Variants in BMPR1A observed in about 807,000 individuals in gnomAD.
BMPR1A encodes bone morphogenetic protein receptor type 1A.
BMPR1A carries 7 observed loss-of-function variants against 66.0 expected under a neutral mutation model. That is an observed-to-expected ratio of 0.11 (90% confidence interval 0.06 to 0.20). BMPR1A has a LOEUF of 0.20. Ranked by LOEUF, BMPR1A falls within the 10% of genes least tolerant of loss-of-function variation. The pLI, the probability that BMPR1A is intolerant of heterozygous loss-of-function variation, is 1.00. For missense variants in BMPR1A, 408 were observed against 669.1 expected (o/e 0.61, Z 4.31); for synonymous variants, 200 against 229.7 (o/e 0.87, Z 1.17).
At chr10:86,923,312 T>C (rs1229649825) in intron 11 of BMPR1A, 64 bp from the exon 12 acceptor site, 6 of 1,601,532 alleles carry the variant, frequency 3.7e-6, no homozygotes, top group Non-Finnish European at 5.1e-6. Flanking sequence ...AAAAGATGCT[T>C]ACTAGATTGG....
chr10:86,783,914 T>A (rs1841475673), intron 1 of BMPR1A, among the ~76,000 whole-genome samples: 2 of 152,274 alleles, frequency 1.3e-5, no homozygotes, highest in Admixed American at 6.5e-5. Flanking sequence ...TTCCTTTTTG[T>A]GTTGTTTATT....
intron 1 of BMPR1A, among the ~76,000 whole-genome samples, chr10:86,802,902 G>T (rs1841831848): frequency 6.7e-6 from 1 of 148,750 alleles, no homozygotes; most frequent in African/African-American, 2.5e-5. Flanking sequence ...GAGACTCCAT[G>T]TCTCCAAAAA....
At chr10:86,780,294 T>A (rs1841417076) in intron 1 of BMPR1A, among the ~76,000 whole-genome samples, 1 of 152,180 alleles carries the variant, frequency 6.6e-6, no homozygotes, top group Non-Finnish European at 1.5e-5. Flanking sequence ...TGCTGTGCAG[T>A]AGCTTTTTAG....
At chr10:86,850,700 T>G (rs1455296686) in intron 2 of BMPR1A, among the ~76,000 whole-genome samples, 1 of 152,138 alleles carries the variant, frequency 6.6e-6, no homozygotes, top group African/African-American at 2.4e-5. Context: ...GGCATGATCA[T>G]GACTCACCAC....
intron 1 of BMPR1A, among the ~76,000 whole-genome samples, chr10:86,774,657 T>G (rs758807821): frequency 1.1e-4 from 16 of 152,332 alleles, no homozygotes; most frequent in Middle Eastern, 3.4e-3. Flanking sequence ...ACAATTTCTA[T>G]TCTCACTTAT....
chr10:86,772,071 T>G (rs1353638822), intron 1 of BMPR1A, among the ~76,000 whole-genome samples: 2 of 152,012 alleles, frequency 1.3e-5, no homozygotes, highest in Non-Finnish European at 2.9e-5. Context: ...TTAGTGCTTT[T>G]TTTTTTCTCA....
intron 1 of BMPR1A, among the ~76,000 whole-genome samples, chr10:86,772,289 C>T (rs1437979394): frequency 6.6e-6 from 1 of 152,006 alleles, no homozygotes; most frequent in Non-Finnish European, 1.5e-5. Context: ...CTCCACCATG[C>T]CCGGCTAATG....
At chr10:86,782,517 G>GT (rs990437508) in intron 1 of BMPR1A, among the ~76,000 whole-genome samples, 49 of 150,062 alleles carry the variant, frequency 3.3e-4, no homozygotes, top group South Asian at 8.5e-4. Flanking sequence ...TTTGTTTTTT[G>GT]TTTTTTTTTG....
intron 1 of BMPR1A, among the ~76,000 whole-genome samples, chr10:86,757,845 G>A (rs770803595): frequency 6.6e-6 from 1 of 152,056 alleles, no homozygotes; most frequent in East Asian, 1.9e-4. Context: ...TTGAACCCAG[G>A]AACATCGTAT....
chr10:86,915,572 T>C (rs945782479), intron 8 of BMPR1A, among the ~76,000 whole-genome samples: 1 of 151,952 alleles, frequency 6.6e-6, no homozygotes, highest in Non-Finnish European at 1.5e-5. Flanking sequence ...CTACTAAAAA[T>C]ACAAAAATTA....
At chr10:86,918,676 T>G (rs1045616726) in intron 9 of BMPR1A, among the ~76,000 whole-genome samples, 7 of 151,158 alleles carry the variant, frequency 4.6e-5, no homozygotes, top group African/African-American at 1.7e-4. Context: ...CAGGCTGGAG[T>G]GCAGTGGCGC....
At chr10:86,787,178 A>G (rs1030741953) in intron 1 of BMPR1A, among the ~76,000 whole-genome samples, 14 of 152,224 alleles carry the variant, frequency 9.2e-5, no homozygotes, top group Non-Finnish European at 1.3e-4. Context: ...GATTTTTTAA[A>G]AAAGAACTAA....
Position 86,771,851 on chromosome 10 carries a change from G to A in BMPR1A, c.-268+14932G>A, listed in dbSNP as rs1473305401. ...AACATGGCTCACTGTAGCCTCGGCT[G>A]CCTGGGCTCAAGCTTAGATCCTCCC... On this transcript the variant is annotated intron_variant, in intron 1 of 12. Transcript: ENST00000372037. 4.6e-5 allele frequency among the ~76,000 whole-genome samples: 7 copies of A among 152,166 alleles called. No homozygotes were observed. In the East Asian group the frequency reaches 1.4e-3, roughly 29 times the overall value.
At chr10:86,846,459 G>A (rs951294259) in intron 2 of BMPR1A, among the ~76,000 whole-genome samples, 1 of 152,134 alleles carries the variant, frequency 6.6e-6, no homozygotes, top group Non-Finnish European at 1.5e-5. Context: ...ATAAAGATTG[G>A]CACTTTGTGT....
intron 2 of BMPR1A, chr10:86,856,316 C>T (rs1842639912): frequency 6.5e-6 from 3 of 460,274 alleles, no homozygotes; most frequent in Admixed American, 4.9e-5. Flanking sequence ...GGAGCCCTGG[C>T]CCTCTGCAGC....
At chr10:86,827,649 T>C (rs925395082) in intron 1 of BMPR1A, among the ~76,000 whole-genome samples, 2 of 152,200 alleles carry the variant, frequency 1.3e-5, no homozygotes, top group African/African-American at 2.4e-5. Flanking sequence ...ATAAGCCAGA[T>C]GAGTTCAAGA....
intron 1 of BMPR1A, among the ~76,000 whole-genome samples, chr10:86,770,720 T>TA (rs1185054641): frequency 2.0e-5 from 3 of 152,208 alleles, no homozygotes; most frequent in Non-Finnish European, 4.4e-5. Flanking sequence ...AGACTGAAGA[T>TA]TAACGTTTTA....
intron 1 of BMPR1A, among the ~76,000 whole-genome samples, chr10:86,822,266 T>C (rs935180648): frequency 2.0e-5 from 3 of 152,236 alleles, no homozygotes; most frequent in South Asian, 2.1e-4. Flanking sequence ...CAATTTTCCT[T>C]TTTATTCTAG....
intron 1 of BMPR1A, among the ~76,000 whole-genome samples, chr10:86,783,861 T>G (rs566667106): frequency 4.6e-5 from 7 of 152,382 alleles, no homozygotes; most frequent in African/African-American, 1.7e-4. Context: ...TTCTTAAGTA[T>G]TATTCATTTT....
Sources: gnomAD v4.1 joint callset for allele counts (sites outside exome capture counted in the v4.1 genomes callset) on GRCh38, gnomAD v4.1.1 for gene constraint, MANE v1.5 for transcripts, NCBI Gene and HGNC (gene_info 2026-07-23, HGNC 2026-07-21) for gene names.